Variants in UPF3A observed in about 807,000 individuals in gnomAD.
UPF3A encodes the protein UPF3A regulator of nonsense mediated mRNA decay.
In UPF3A, 42 loss-of-function variants were observed where a neutral mutation model predicts 53.5. The ratio of observed to expected loss-of-function variants is 0.78; its 90% CI spans 0.61 to 1.01. The LOEUF (loss-of-function observed/expected upper bound fraction) is 1.01, where lower values mean the gene tolerates loss of function less well. Among genes scored for constraint, UPF3A ranks in the 50% least tolerant of loss-of-function variants. UPF3A has a pLI of 0.00. For missense variants in UPF3A, 575 were observed against 598.0 expected (o/e 0.96, Z 0.40); for synonymous variants, 237 against 225.3 (o/e 1.05, Z -0.47).
chr13:114,281,654 G>A lies in UPF3A; in HGVS notation c.15G>A (p.Lys5=). 3 of 1,504,232 alleles carry A rather than the reference G, an allele frequency of 2.0e-6. No individual in the cohort carries two copies. The highest frequency in any genetic ancestry group is 2.6e-5 in the East Asian group (1 of 38,040). 93.2% of individuals were successfully genotyped at this position (1,504,232 alleles called of 1,614,324 possible). Residue 5 remains lysine (K), a synonymous_variant, in exon 1 of 10, where the codon AAG becomes AAA. Coordinates refer to ENST00000375299, the MANE Select transcript of UPF3A (RefSeq NM_023011.4). The part of the protein sequence containing the change: MRSE[K]EGAGGLRAAV... ...GAGAGTGCGGCATGCGCTCGGAAAAGGAGGGGGCCGGAGGCCTTCGGGCGG... is the reference window on the plus strand; with the variant it reads ...GAGAGTGCGGCATGCGCTCGGAAAAAGAGGGGGCCGGAGGCCTTCGGGCGG...
intron 5 of UPF3A, chr13:114,287,460 GC>G (rs1246934906): frequency 1.4e-5 from 2 of 147,226 alleles, no homozygotes; most frequent in African/African-American, 5.4e-5. Flanking sequence ...GCATGGTGGT[GC>G]GTGCCTATAG....
chr13:114,290,472 C>G (rs1042752248), intron 5 of UPF3A, among the ~76,000 whole-genome samples: 1 of 152,186 alleles, frequency 6.6e-6, no homozygotes, highest in Non-Finnish European at 1.5e-5. Context: ...ACAGAGTAGA[C>G]CCCGTCTTCC....
intron 7 of UPF3A, among the ~76,000 whole-genome samples, chr13:114,294,280 G>GGA (rs1264462282): frequency 1.3e-5 from 2 of 150,936 alleles, no homozygotes; most frequent in Admixed American, 1.3e-4. Context: ...TGGTGGGGGG[G>GGA]GGGTTTGAGA....
In UPF3A at chr13:114,291,695, G is replaced by A. The variant is rs1467187025; in HGVS notation, c.749G>A (p.Arg250Gln). The A allele has an allele frequency of 6.2e-6, 10 of 1,603,780 alleles. No individual in the cohort carries two copies. Among genetic ancestry groups the A allele is most frequent in the Middle Eastern group, 1.7e-4 (1 of 6,018 alleles). Reference protein sequence around the residue: ...RRRELEKKRLREEEKRRRREE... With the variant: ...RRRELEKKRLQEEEKRRRREE... ...AGAGAGTTAGAAAAGAAACGTTTGC[G>A]GGAAGAGGAAAAAAGAAGAAGAAGA... Residue 250 changes from arginine (R) to glutamine (Q), a missense_variant, in exon 7 of 10, where the codon CGG becomes CAG. Around this residue, in one of 2 missense-constraint regions of UPF3A, gnomAD observed 323 missense variants for 415.2 expected, o/e 0.78. Transcript: ENST00000375299.
intron 7 of UPF3A, among the ~76,000 whole-genome samples, chr13:114,294,196 C>A (rs1194280838): frequency 6.6e-6 from 1 of 151,044 alleles, no homozygotes; most frequent in Admixed American, 6.6e-5. Flanking sequence ...TGGAGAAATG[C>A]AAAAGAAGGT....
At position 114,298,960 on chromosome 13, in the gene UPF3A, G is replaced by A. The variant is rs143253585; in HGVS notation, c.967G>A (p.Ala323Thr). The A allele has an allele frequency of 1.1e-4, 174 of 1,610,028 alleles. 1 individual carries two copies. In the African/African-American group the frequency reaches 2.1e-3, roughly 19 times the overall value. ...ESCAPGAVVKARPMEGSLEEP... is the reference protein window; with the variant it reads ...ESCAPGAVVKTRPMEGSLEEP... ...CTGTGCCCCCGGTGCAGTCGTAAAA[G>A]CCAGGCCCATGGAAGGCTCGCTGGA... The change falls in exon 8 of 10, where the codon GCC (alanine) becomes ACC (threonine). Residue 323 changes from alanine to threonine, a missense_variant. By Grantham distance (58) the Ala-to-Thr change is moderately conservative. Coordinates refer to ENST00000375299, the MANE Select transcript of UPF3A (RefSeq NM_023011.4).
chr13:114,292,570 G>A (rs1347787518), intron 7 of UPF3A, among the ~76,000 whole-genome samples: 2 of 148,438 alleles, frequency 1.3e-5, no homozygotes, highest in African/African-American at 5.0e-5. Flanking sequence ...TTCGGCTCAA[G>A]GCGTACACGT....
At position 114,286,513 on chromosome 13, in the gene UPF3A, G is replaced by A. The variant is rs148446146; in HGVS notation, c.521-6G>A. Reference sequence around the variant, plus strand: ...ATTTATTTTCTTCCTACTTTTTAATGTCTAGATCCAGAATATAAGAAGTTT... The same window carrying A: ...ATTTATTTTCTTCCTACTTTTTAATATCTAGATCCAGAATATAAGAAGTTT... On this transcript the variant is annotated splice_region_variant and splice_polypyrimidine_tract_variant and intron_variant, in intron 4 of 9. Coordinates refer to ENST00000375299, the MANE Select transcript of UPF3A (RefSeq NM_023011.4). 465 of 1,611,976 alleles carry A rather than the reference G, an allele frequency of 2.9e-4. 5 individuals carry two copies. The East Asian group carries it at 8.3e-3, about 29-fold the overall frequency.
chr13:114,292,090 CTTT>C (rs745358460), intron 7 of UPF3A, among the ~76,000 whole-genome samples: 3 of 133,738 alleles, frequency 2.2e-5, no homozygotes, highest in Admixed American at 7.6e-5. Flanking sequence ...TGCTGACGCT[CTTT>C]TTTTTTTTTT....
intron 8 of UPF3A, among the ~76,000 whole-genome samples, chr13:114,300,585 G>C (rs1374914813): frequency 2.0e-5 from 3 of 151,478 alleles, no homozygotes; most frequent in African/African-American, 7.3e-5. Flanking sequence ...TCTTGCCCAG[G>C]TTGGAGTGCA....
rs754474639 is a variant in UPF3A, at chr13:114,286,597, G to T, written c.599G>T (p.Gly200Val). The change falls in exon 5 of 10, where the codon GGG becomes GTG. Residue 200 changes from glycine (G) to valine (V), a missense_variant. Transcript: ENST00000375299. ...AGTGCCAACCCTGAGACTCTGCTGGGGGAGATGGAGGCGAAGACAAGAGAG... is the reference window on the plus strand; with the variant it reads ...AGTGCCAACCCTGAGACTCTGCTGGTGGAGATGGAGGCGAAGACAAGAGAG... Reference protein sequence around the residue: ...KTSANPETLLGEMEAKTRELI... With the variant: ...KTSANPETLLVEMEAKTRELI... 6.2e-7 allele frequency: 1 copy of T among 1,613,616 alleles called. No homozygotes were observed. The highest frequency in any genetic ancestry group is 8.5e-7 in the Non-Finnish European group (1 of 1,179,824).
chr13:114,291,810 T>G lies in UPF3A; in HGVS notation c.846+18T>G. On this transcript the variant is annotated intron_variant, in intron 7 of 9. Transcript: ENST00000375299. ...GGATTAAGGTAATTCTGAGGAAACA[T>G]TTCCTTTTTCCAAAAATAGCTCTGC... 2 of 1,566,510 alleles carry G rather than the reference T, an allele frequency of 1.3e-6. No individual in the cohort carries two copies. Among genetic ancestry groups the G allele is most frequent in the Non-Finnish European group, 8.6e-7 (1 of 1,160,488 alleles).
chr13:114,283,731 C>T, intron 3 of UPF3A: 3 of 984,518 alleles, frequency 3.0e-6, no homozygotes, highest in Non-Finnish European at 3.6e-6. Flanking sequence ...CAATAGTTCC[C>T]TTATCAGTAC....
chr13:114,287,837 C>G (rs1258996711), intron 5 of UPF3A, among the ~76,000 whole-genome samples: 1 of 151,922 alleles, frequency 6.6e-6, no homozygotes, highest in Non-Finnish European at 1.5e-5. Context: ...TTTTTCCCCC[C>G]ACTCTGTTGC....
chr13:114,286,689 C>A, intron 5 of UPF3A, 60 bp downstream of exon 5: 1 of 1,363,038 alleles, frequency 7.3e-7, no homozygotes, highest in East Asian at 2.3e-5. Flanking sequence ...AGAGGATATA[C>A]GTTTTTTCTC....
chr13:114,297,317 G>C (rs1185569426), intron 7 of UPF3A, among the ~76,000 whole-genome samples: 1 of 151,938 alleles, frequency 6.6e-6, no homozygotes, highest in East Asian at 1.9e-4. Context: ...GGGCATACAG[G>C]GCAGATGAAA....
intron 3 of UPF3A, 23 bp downstream of exon 3, chr13:114,282,966 A>G (rs1315584245): frequency 2.0e-6 from 3 of 1,469,752 alleles, no homozygotes; most frequent in Middle Eastern, 1.7e-4. Flanking sequence ...GTTTTTAAAA[A>G]TCTATTATAA....
chr13:114,282,206 C>A (rs2084144923), intron 2 of UPF3A, 79 bp downstream of exon 2: 1 of 1,229,210 alleles, frequency 8.1e-7, no homozygotes, highest in Non-Finnish European at 1.1e-6. Flanking sequence ...GCCTTACGTT[C>A]CTTACCCTGA....
rs768858514 is a variant in UPF3A, at chr13:114,291,555, C to A, written c.687+11C>A. 9 of 1,608,790 alleles carry A rather than the reference C, an allele frequency of 5.6e-6. No homozygotes were observed. The highest frequency in any genetic ancestry group is 2.2e-5 in the East Asian group (1 of 44,848). ...AAATTAGAAAAGCAGGTAGGTCTGG[C>A]CTTTACCTGATGAACACCCTCCCTG... is the stretch of plus-strand genomic sequence containing the variant. On this transcript the variant is annotated intron_variant, in intron 6 of 9. Transcript: ENST00000375299.
Sources: gnomAD v4.1 joint callset for allele counts (sites outside exome capture counted in the v4.1 genomes callset) on GRCh38, gnomAD v4.1.1 for gene constraint, gnomAD v4.1.1 regional missense constraint, MANE v1.5 for transcripts, NCBI Gene and HGNC (gene_info 2026-07-23, HGNC 2026-07-21) for gene names.